Variants in MAN1C1 observed in about 807,000 individuals in gnomAD.
The protein encoded by MAN1C1 is mannosyl-oligosaccharide 1,2-alpha-mannosidase IC.
A neutral mutation model predicts 71.5 loss-of-function variants in MAN1C1; 49 were observed. The observed-to-expected ratio is 0.69, with a 90% CI of 0.54 to 0.87. The LOEUF (loss-of-function observed/expected upper bound fraction) is 0.87. Ranked by LOEUF, MAN1C1 falls within the 40% of genes least tolerant of loss-of-function variation. The probability of loss-of-function intolerance (pLI) is 0.00; values close to 1 mark genes in which losing one functional copy is unlikely to be tolerated. For synonymous variants in MAN1C1, 352 were observed against 343.7 expected, an observed-to-expected ratio of 1.02 and a Z score of -0.27; for missense variants, 743 against 835.0, an observed-to-expected ratio of 0.89 and a Z score of 1.36.
chr1:25,746,633 C>A lies in MAN1C1; in HGVS notation c.638-35C>A. The A allele has an allele frequency of 6.7e-7, 1 of 1,498,102 alleles. No homozygotes were observed. The highest frequency in any genetic ancestry group is 9.3e-7 in the Non-Finnish European group (1 of 1,078,058). 92.8% of individuals were successfully genotyped at this position (1,498,102 alleles called of 1,614,324 possible). ...CCAGTTGGGGAAAAGAGAAAGATGG[C>A]CCTGGGTCACACCCTCAATGCTCTG... On this transcript the variant is annotated intron_variant, in intron 2 of 11. Coordinates refer to ENST00000374332, the MANE Select transcript of MAN1C1 (RefSeq NM_020379.4). The surrounding 1 kb of genome is among the most constrained non-coding windows in gnomAD (Gnocchi z 4.0).
intron 1 of MAN1C1, among the ~76,000 whole-genome samples, chr1:25,661,625 A>G (rs2045850518): frequency 6.6e-6 from 1 of 152,156 alleles, no homozygotes; most frequent in African/African-American, 2.4e-5. Context: ...TGGGAACTCG[A>G]GACTGAGGCC....
At chr1:25,698,572 C>T (rs1397102005) in intron 2 of MAN1C1, among the ~76,000 whole-genome samples, 1 of 152,172 alleles carries the variant, frequency 6.6e-6, no homozygotes, top group Admixed American at 6.5e-5. Flanking sequence ...ATCATACTTC[C>T]AGTGAAGACC....
At chr1:25,767,727 TCACA>T (rs1217731098) in intron 7 of MAN1C1, among the ~76,000 whole-genome samples, 40 of 63,598 alleles carry the variant, frequency 6.3e-4, no homozygotes, top group African/African-American at 2.1e-3. Flanking sequence ...CACACTCCCC[TCACA>T]CACACAGACC....
intron 1 of MAN1C1, chr1:25,659,258 G>A (rs1402734389): frequency 6.6e-6 from 1 of 152,262 alleles, no homozygotes; most frequent in Non-Finnish European, 1.5e-5. Context: ...CACACTCCCT[G>A]GGGCTTACAG....
rs1400210165 is a variant in MAN1C1, at chr1:25,617,053, G to T, written c.-745G>T. Among the ~76,000 whole-genome samples, 1 of 151,896 alleles carries T rather than the reference G, an allele frequency of 6.6e-6. No homozygotes were observed. The highest frequency in any genetic ancestry group is 2.4e-5 in the African/African-American group (1 of 41,418). Reference sequence around the variant, plus strand: ...CGCGCTCCCGGGCGCATCTGCAGCCGCCCAGCCGCGGCTCCGGACCCAGGC... The same window carrying T: ...CGCGCTCCCGGGCGCATCTGCAGCCTCCCAGCCGCGGCTCCGGACCCAGGC... On this transcript the variant is annotated 5_prime_UTR_variant, in exon 1 of 12. Coordinates refer to ENST00000374332, the MANE Select transcript of MAN1C1 (RefSeq NM_020379.4). This position sits in a 1 kb window ranked among gnomAD's most constrained non-coding sequence, Gnocchi z 5.1.
At position 25,764,537 on chromosome 1, in the gene MAN1C1, C is replaced by T. The variant is rs6696384; in HGVS notation, c.1141+570C>T. ...AAGTGATTCTCCTGACTCAGCCACC[C>T]GAGTAGCTGGGACTACAAGCATGTG... On this transcript the variant is annotated intron_variant, in intron 7 of 11. Transcript: ENST00000374332. This position sits in a 1 kb window ranked among gnomAD's most constrained non-coding sequence, Gnocchi z 4.4. 0.53 allele frequency among the ~76,000 whole-genome samples: 81,170 copies of T among 151,736 alleles called. 24,114 individuals are homozygous for T. Among genetic ancestry groups the T allele is most frequent in the Middle Eastern group, 0.78 (228 of 294 alleles).
intron 1 of MAN1C1, among the ~76,000 whole-genome samples, chr1:25,628,775 C>T (rs951204113): frequency 4.6e-5 from 7 of 152,096 alleles, no homozygotes; most frequent in African/African-American, 1.7e-4. Flanking sequence ...TCTCCAAAGT[C>T]CGTTATATCA....
chr1:25,657,064 A>G (rs1395290630), intron 1 of MAN1C1, among the ~76,000 whole-genome samples: 1 of 152,076 alleles, frequency 6.6e-6, no homozygotes, highest in East Asian at 1.9e-4. Context: ...TGACCTCATG[A>G]TCCACCCTCC....
chr1:25,741,929 G>A (rs2047068231), intron 2 of MAN1C1, among the ~76,000 whole-genome samples: 1 of 152,158 alleles, frequency 6.6e-6, no homozygotes, highest in Non-Finnish European at 1.5e-5. Context: ...TTGGAGACAA[G>A]GCTGGAAGGT....
chr1:25,758,364 TC>T (rs1387707354), intron 5 of MAN1C1, among the ~76,000 whole-genome samples: 1 of 152,166 alleles, frequency 6.6e-6, no homozygotes, highest in Non-Finnish European at 1.5e-5. Context: ...CAAAGAATAT[TC>T]CAAGTCAGAC....
chr1:25,774,572 CA>C (rs2047594960), intron 8 of MAN1C1, among the ~76,000 whole-genome samples: 1 of 152,192 alleles, frequency 6.6e-6, no homozygotes, highest in Admixed American at 6.5e-5. Context: ...AAGGAACAGC[CA>C]GCGCCAGGCA....
At chr1:25,628,232 A>G (rs960033905) in intron 1 of MAN1C1, among the ~76,000 whole-genome samples, 1 of 152,072 alleles carries the variant, frequency 6.6e-6, no homozygotes, top group African/African-American at 2.4e-5. Flanking sequence ...TTTATTAACT[A>G]TCTCTATTTT....
chr1:25,758,583 T>C lies in MAN1C1; in HGVS notation c.930-9T>C, dbSNP rs1393704077. On this transcript the variant is annotated splice_polypyrimidine_tract_variant and intron_variant, in intron 5 of 11. Coordinates refer to ENST00000374332, the MANE Select transcript of MAN1C1 (RefSeq NM_020379.4). ...GGGGGGATGACGGGGGCTGCTTCTG[T>C]CTTTTCAGTGGGAACTGGGGCTGGG... 3 of 1,613,846 alleles carry C rather than the reference T, an allele frequency of 1.9e-6. No homozygotes were observed. The South Asian group carries it at 3.3e-5, about 18-fold the overall frequency.
At chr1:25,684,677 G>A (rs1192737572) in intron 1 of MAN1C1, among the ~76,000 whole-genome samples, 1 of 152,248 alleles carries the variant, frequency 6.6e-6, no homozygotes, top group Non-Finnish European at 1.5e-5. Context: ...ATCCCTGTGT[G>A]CCTGGAAGAG....
intron 2 of MAN1C1, among the ~76,000 whole-genome samples, chr1:25,732,871 A>G (rs907506068): frequency 1.4e-4 from 21 of 151,814 alleles, no homozygotes; most frequent in Non-Finnish European, 2.5e-4. Context: ...CTTTCCAATA[A>G]TCATCATTAA....
In MAN1C1 at chr1:25,763,947, T is replaced by TGG; in HGVS notation, c.1122_1123insGG (p.Ser375GlyfsTer23). 6.2e-7 allele frequency: 1 copy of TGG among 1,613,812 alleles called. No homozygotes were observed. The highest frequency in any genetic ancestry group is 8.5e-7 in the Non-Finnish European group (1 of 1,179,946). ...CTCTACCCCAACTTCCTCAGCCCAG[T>TGG]GAGTGGGAACTGGGTGCAACGTGAG... On this transcript the variant is annotated frameshift_variant, in exon 7 of 12. Transcript: ENST00000374332. LOFTEE classifies it high-confidence loss of function.
Position 25,753,408 on chromosome 1 carries a change from T to C in MAN1C1, c.835-76T>C, listed in dbSNP as rs547483246. 86 of 1,131,712 alleles carry C rather than the reference T, an allele frequency of 7.6e-5. No homozygotes were observed. Among genetic ancestry groups the C allele is most frequent in the Admixed American group, 2.2e-4 (10 of 44,662 alleles). The allele number at this position is 1,131,712 out of a possible 1,614,324, so 70.1% of individuals were successfully genotyped here. On this transcript the variant is annotated intron_variant, in intron 4 of 11. Coordinates refer to ENST00000374332, the MANE Select transcript of MAN1C1 (RefSeq NM_020379.4). The surrounding 1 kb of genome is among the most constrained non-coding windows in gnomAD (Gnocchi z 4.9). ...ACCTGCAGCCCTGGGGGGTTCATCC[T>C]GCCTGCAGCAGTTCTGGGGTTGACC...
intron 1 of MAN1C1, among the ~76,000 whole-genome samples, chr1:25,626,486 G>A (rs2045296399): frequency 6.6e-6 from 1 of 151,906 alleles, no homozygotes; most frequent in Non-Finnish European, 1.5e-5. Flanking sequence ...AGCCTTCTGA[G>A]TAGCTGGGAC....
chr1:25,698,168 C>G (rs944030886), intron 2 of MAN1C1, among the ~76,000 whole-genome samples: 1 of 152,184 alleles, frequency 6.6e-6, no homozygotes, highest in African/African-American at 2.4e-5. Flanking sequence ...ATGGGGTGGC[C>G]TCTGTTTCCC....
Sources: gnomAD v4.1 joint callset for allele counts (sites outside exome capture counted in the v4.1 genomes callset) on GRCh38, gnomAD v4.1.1 for gene constraint, Gnocchi (gnomAD v3.1) non-coding constraint, MANE v1.5 for transcripts, NCBI Gene and HGNC (gene_info 2026-07-23, HGNC 2026-07-21) for gene names.